Variants in LRRTM4 observed in about 807,000 individuals in gnomAD.
LRRTM4 encodes the protein leucine rich repeat transmembrane neuronal 4, also known as leucine-rich repeat transmembrane neuronal protein 4.
LRRTM4 carries 25 observed loss-of-function variants against 47.6 expected under a neutral mutation model. The ratio of observed to expected loss-of-function variants is 0.53; its 90% confidence interval spans 0.38 to 0.73. The LOEUF is 0.73. Among genes scored for constraint, LRRTM4 ranks in the 30% least tolerant of loss-of-function variants. The pLI, the probability that LRRTM4 is intolerant of heterozygous loss-of-function variation, is 0.00. For missense variants in LRRTM4, 638 were observed against 713.4 expected, an observed-to-expected ratio of 0.89 and a Z score of 1.20; for synonymous variants, 311 against 269.5, an observed-to-expected ratio of 1.15 and a Z score of -1.51.
chr2:77,260,116 T>C (rs973715892), intron 3 of LRRTM4, among the ~76,000 whole-genome samples: 2 of 152,156 alleles, frequency 1.3e-5, no homozygotes, highest in South Asian at 4.1e-4. Context: ...GTTAGATGAT[T>C]ATAGAAGGTC....
At chr2:77,185,945 T>C (rs10191311) in intron 3 of LRRTM4, among the ~76,000 whole-genome samples, 17,292 of 152,156 alleles carry the variant, frequency 0.11, 2,629 homozygotes, top group African/African-American at 0.35. Flanking sequence ...TGTGAGATTA[T>C]GTTTGTGAAC....
intron 3 of LRRTM4, among the ~76,000 whole-genome samples, chr2:76,914,661 T>C (rs1402882546): frequency 1.3e-5 from 2 of 152,232 alleles, no homozygotes; most frequent in African/African-American, 4.8e-5. Context: ...AAAAAACTTC[T>C]ATTTGTCTTT....
chr2:77,499,107 A>G (rs1678471882), intron 3 of LRRTM4, among the ~76,000 whole-genome samples: 1 of 151,834 alleles, frequency 6.6e-6, no homozygotes, highest in Non-Finnish European at 1.5e-5. Flanking sequence ...GCTTTTGCTT[A>G]CCCAGAGGGT....
At chr2:77,197,292 C>T (rs1673854797) in intron 3 of LRRTM4, among the ~76,000 whole-genome samples, 1 of 151,994 alleles carries the variant, frequency 6.6e-6, no homozygotes, top group Non-Finnish European at 1.5e-5. Flanking sequence ...TGAGGACATG[C>T]AGGAAATATG....
intron 3 of LRRTM4, among the ~76,000 whole-genome samples, chr2:76,892,336 A>G (rs1673281411): frequency 6.6e-6 from 1 of 151,730 alleles, no homozygotes; most frequent in Non-Finnish European, 1.5e-5. Flanking sequence ...TTGAAAGAGA[A>G]CTTATATGTG....
chr2:77,091,560 C>A lies in LRRTM4; in HGVS notation c.1552-342644G>T, dbSNP rs553762318. Among the ~76,000 whole-genome samples the A allele has an allele frequency of 2.0e-5, 3 of 148,578 alleles. No individual in the cohort carries two copies. In the East Asian group the frequency reaches 6.2e-4, roughly 31 times the overall value. ...TGCCTGTCCACCCCGTGGTGCCAAA[C>A]CCATATACTCTCCTATCCTCAATAC... is the stretch of plus-strand genomic sequence containing the variant. On this transcript the variant is annotated intron_variant, in intron 3 of 3. Transcript: ENST00000409884.
chr2:77,073,815 C>G (rs1050418595), intron 3 of LRRTM4, among the ~76,000 whole-genome samples: 2 of 151,840 alleles, frequency 1.3e-5, no homozygotes, highest in Non-Finnish European at 2.9e-5. Context: ...TTTAAAAATT[C>G]ACTATGGCTA....
At chr2:77,022,867 G>A (rs188638516) in intron 3 of LRRTM4, among the ~76,000 whole-genome samples, 6 of 152,266 alleles carry the variant, frequency 3.9e-5, no homozygotes, top group African/African-American at 1.2e-4. Flanking sequence ...TTGGATCTAC[G>A]ATTCTGGGGT....
chr2:76,907,865 G>A (rs1251944), intron 3 of LRRTM4, among the ~76,000 whole-genome samples: 74,570 of 124,096 alleles, frequency 0.6, 24,406 homozygotes, highest in African/African-American at 0.85. Flanking sequence ...CTTACCAACC[G>A]AAAAGAGTCC....
intron 3 of LRRTM4, among the ~76,000 whole-genome samples, chr2:77,427,290 C>G (rs1229043805): frequency 6.6e-6 from 1 of 152,068 alleles, no homozygotes; most frequent in East Asian, 1.9e-4. Flanking sequence ...CTTTATTCTT[C>G]TCTAGAATTT....
intron 3 of LRRTM4, among the ~76,000 whole-genome samples, chr2:77,040,601 G>C (rs541670108): frequency 3.3e-5 from 5 of 151,300 alleles, no homozygotes; most frequent in African/African-American, 1.2e-4. Context: ...AGTTGCAAAG[G>C]CTTATTTACT....
At chr2:76,936,622 T>C (rs531392330) in intron 3 of LRRTM4, among the ~76,000 whole-genome samples, 2 of 149,190 alleles carry the variant, frequency 1.3e-5, no homozygotes, top group Admixed American at 1.3e-4. Context: ...GAAAAAGCCT[T>C]GCAGTGATAC....
intron 3 of LRRTM4, among the ~76,000 whole-genome samples, chr2:77,349,971 G>A (rs902588126): frequency 2.6e-5 from 4 of 152,074 alleles, no homozygotes; most frequent in Admixed American, 2.0e-4. Context: ...CTTTATAAAT[G>A]GGAAATTTAA....
At chr2:77,397,575 G>A (rs1261756765) in intron 3 of LRRTM4, among the ~76,000 whole-genome samples, 1 of 151,782 alleles carries the variant, frequency 6.6e-6, no homozygotes, top group Non-Finnish European at 1.5e-5. Flanking sequence ...ACAAAAGAAT[G>A]TGCTCATTAC....
At chr2:76,797,945 G>T (rs531029053) in intron 3 of LRRTM4, among the ~76,000 whole-genome samples, 1 of 150,566 alleles carries the variant, frequency 6.6e-6, no homozygotes, top group African/African-American at 2.4e-5. Context: ...ACCCAATACA[G>T]GAGCATCCAG....
intron 3 of LRRTM4, among the ~76,000 whole-genome samples, chr2:77,156,863 G>C (rs1672574466): frequency 6.6e-6 from 1 of 151,866 alleles, no homozygotes; most frequent in South Asian, 2.1e-4. Context: ...TGAGCTACAG[G>C]GCCTGGCTCA....
At position 77,521,794 on chromosome 2, in the gene LRRTM4, A is replaced by G; in HGVS notation, c.-123T>C. 1.0e-6 allele frequency: 1 copy of G among 983,720 alleles called. No homozygotes were observed. Among genetic ancestry groups the G allele is most frequent in the Non-Finnish European group, 1.6e-6 (1 of 644,292 alleles). 60.9% of individuals were successfully genotyped at this position (983,720 alleles called of 1,614,324 possible). ...GTCATTCACACCATTCTGATCCCGC[A>G]TGTGAGCTAGTAGCCCCATACAAAC... On this transcript the variant is annotated 5_prime_UTR_variant, in exon 2 of 4. An upstream start codon of the reference 5' UTR is lost. Coordinates refer to ENST00000409884, the MANE Select transcript of LRRTM4 (RefSeq NM_001134745.3).
intron 3 of LRRTM4, among the ~76,000 whole-genome samples, chr2:77,249,524 CAG>C (rs1039629137): frequency 7.8e-5 from 9 of 115,144 alleles, no homozygotes; most frequent in Non-Finnish European, 1.4e-4. Flanking sequence ...CAATAAAAAA[CAG>C]AACATAGAGA....
At chr2:77,045,347 T>G (rs893233326) in intron 3 of LRRTM4, among the ~76,000 whole-genome samples, 1 of 151,958 alleles carries the variant, frequency 6.6e-6, no homozygotes, top group Non-Finnish European at 1.5e-5. Flanking sequence ...TTATTTTTAT[T>G]TTATTTATCA....
Sources: allele counts gnomAD v4.1 joint callset (sites outside exome capture counted in the v4.1 genomes callset), GRCh38; gene constraint gnomAD v4.1.1; transcripts MANE v1.5; gene names NCBI Gene and HGNC (gene_info 2026-07-23, HGNC 2026-07-21).